ALDH1A2: variants seen among roughly 807,000 people sequenced by gnomAD.
The protein encoded by ALDH1A2 is aldehyde dehydrogenase 1 family member A2.
ALDH1A2 carries 27 observed loss-of-function variants against 60.3 expected under a neutral mutation model. The observed-to-expected ratio is 0.45, with a 90% CI of 0.33 to 0.62. The LOEUF (loss-of-function observed/expected upper bound fraction) is 0.62, where lower values mean the gene tolerates loss of function less well. Among genes scored for constraint, ALDH1A2 ranks in the 20% least tolerant of loss-of-function variants. The probability of loss-of-function intolerance (pLI) is 0.02; values close to 1 mark genes in which losing one functional copy is unlikely to be tolerated. For missense variants in ALDH1A2, 581 were observed against 643.8 expected (o/e 0.90, Z 1.06); for synonymous variants, 289 against 232.4 (o/e 1.24, Z -2.21).
intron 4 of ALDH1A2, among the ~76,000 whole-genome samples, chr15:57,996,555 T>C (rs1895072066): frequency 6.6e-6 from 1 of 151,466 alleles, no homozygotes; most frequent in Non-Finnish European, 1.5e-5. Context: ...GGCTGCAGGT[T>C]ATTCCATGGG....
At chr15:57,970,854 C>T (rs1034568615) in intron 7 of ALDH1A2, among the ~76,000 whole-genome samples, 1 of 152,146 alleles carries the variant, frequency 6.6e-6, no homozygotes, top group African/African-American at 2.4e-5. Flanking sequence ...CTTCTCCTTT[C>T]TTAATTTTCA....
At chr15:57,998,239 T>C (rs1327110178) in intron 4 of ALDH1A2, among the ~76,000 whole-genome samples, 1 of 152,026 alleles carries the variant, frequency 6.6e-6, no homozygotes, top group Non-Finnish European at 1.5e-5. Context: ...GGCATTCAAA[T>C]AGGAAGAGAG....
At chr15:57,984,549 C>A (rs12903474) in intron 7 of ALDH1A2, among the ~76,000 whole-genome samples, 53,764 of 152,078 alleles carry the variant, frequency 0.35, 10,421 homozygotes, top group Non-Finnish European at 0.45. Flanking sequence ...CAGTCCTTTG[C>A]AACCACTAAT....
chr15:57,999,021 C>A (rs576143576), intron 4 of ALDH1A2, among the ~76,000 whole-genome samples: 2 of 152,146 alleles, frequency 1.3e-5, no homozygotes, highest in East Asian at 3.9e-4. Flanking sequence ...AAACTGGACC[C>A]CTTCTTTACA....
chr15:57,963,869 G>T lies in ALDH1A2; in HGVS notation c.1086+16C>A. The T allele has an allele frequency of 3.1e-6, 5 of 1,613,948 alleles. No individual in the cohort carries two copies. Among genetic ancestry groups the T allele is most frequent in the Non-Finnish European group, 4.2e-6 (5 of 1,179,858 alleles). The stretch of plus-strand genomic sequence containing the variant: ...AAGGATTAAGTAAACAAAGGGAATG[G>T]TTATGATTTTTCTACCTGGGGACCC... On this transcript the variant is annotated intron_variant, in intron 9 of 12. Transcript: ENST00000249750.
Position 57,960,757 on chromosome 15 carries a change from C to CT in ALDH1A2, c.1484+12dup, listed in dbSNP as rs766067276. On this transcript the variant is annotated intron_variant, in intron 12 of 12. Coordinates refer to ENST00000249750, the MANE Select transcript of ALDH1A2 (RefSeq NM_003888.4). ...TCTATTTCTCTGCAGGCATCAGCAA[C>CT]TTTAAGACTTACATTTCTCTCCCAT... is the stretch of plus-strand genomic sequence containing the variant. 1.2e-5 allele frequency: 19 copies of CT among 1,612,006 alleles called. No homozygotes were observed. Among genetic ancestry groups the CT allele is most frequent in the Non-Finnish European group, 1.5e-5 (18 of 1,178,266 alleles).
chr15:58,025,517 T>C (rs986104908), intron 1 of ALDH1A2, among the ~76,000 whole-genome samples: 2 of 152,074 alleles, frequency 1.3e-5, no homozygotes, highest in African/African-American at 4.8e-5. Flanking sequence ...GAATCAGTAA[T>C]AACAAGGTTC....
Position 58,065,395 on chromosome 15 carries a change from C to T in ALDH1A2, c.117+139G>A, listed in dbSNP as rs924152785. ...CAGTCCCGAAGACAGGCAGGGGGTC[C>T]CTCTGCTGCGCCGGGATGACAGGCT... On this transcript the variant is annotated intron_variant, in intron 1 of 12. Coordinates refer to ENST00000249750, the MANE Select transcript of ALDH1A2 (RefSeq NM_003888.4). 32 of 811,708 alleles carry T rather than the reference C, an allele frequency of 3.9e-5. No homozygotes were observed. In the Admixed American group the frequency reaches 4.6e-4, roughly 12 times the overall value. 50.3% of individuals were successfully genotyped at this position (811,708 alleles called of 1,614,324 possible).
At chr15:58,052,772 C>T (rs931650826) in intron 1 of ALDH1A2, among the ~76,000 whole-genome samples, 4 of 152,088 alleles carry the variant, frequency 2.6e-5, no homozygotes, top group Admixed American at 6.6e-5. Context: ...AATGCCCTGT[C>T]CAGTGCCTTG....
intron 1 of ALDH1A2, among the ~76,000 whole-genome samples, chr15:58,057,428 C>G (rs1048734378): frequency 6.6e-6 from 1 of 151,922 alleles, no homozygotes; most frequent in Non-Finnish European, 1.5e-5. Flanking sequence ...AGATAAATGC[C>G]TCTGGCAAAG....
At chr15:57,962,213 C>T (rs1174754523) in intron 9 of ALDH1A2, 37 bp from the exon 10 acceptor site, 7 of 1,607,014 alleles carry the variant, frequency 4.4e-6, no homozygotes, top group Non-Finnish European at 6.0e-6. Context: ...CAAATATAAC[C>T]TTCTATGAAA....
intron 7 of ALDH1A2, among the ~76,000 whole-genome samples, chr15:57,977,913 ATCTCT>A (rs1195257738): frequency 4.6e-5 from 7 of 152,096 alleles, no homozygotes; most frequent in Admixed American, 3.9e-4. Context: ...GGTCCTTCCA[ATCTCT>A]TCTAAGTTTT....
intron 1 of ALDH1A2, among the ~76,000 whole-genome samples, chr15:58,028,206 C>T (rs920156556): frequency 4.6e-5 from 7 of 152,188 alleles, no homozygotes; most frequent in Admixed American, 4.6e-4. Context: ...GATCCCTTGG[C>T]AGAAGCTCTA....
intron 1 of ALDH1A2, chr15:58,058,071 C>T (rs1896940156): frequency 1.3e-6 from 2 of 1,534,014 alleles, no homozygotes; most frequent in Non-Finnish European, 8.7e-7. Flanking sequence ...TTCATCTTCT[C>T]CCAAAAAGGA....
chr15:58,015,906 A>G (rs1160759614), intron 1 of ALDH1A2, among the ~76,000 whole-genome samples: 1 of 152,164 alleles, frequency 6.6e-6, no homozygotes, highest in African/African-American at 2.4e-5. Flanking sequence ...TATTTAATAA[A>G]TTTGCTCACA....
intron 1 of ALDH1A2, among the ~76,000 whole-genome samples, chr15:58,033,567 T>C (rs1277652345): frequency 6.6e-6 from 1 of 151,866 alleles, no homozygotes; most frequent in Non-Finnish European, 1.5e-5. Context: ...ATCTAATCAC[T>C]CTTCTCCAGA....
chr15:57,954,393 C>T lies in ALDH1A2; in HGVS notation c.*804G>A, dbSNP rs1893447144. 6.5e-6 allele frequency: 1 copy of T among 152,752 alleles called. No homozygotes were observed. The highest frequency in any genetic ancestry group is 2.4e-5 in the African/African-American group (1 of 41,452). The allele number at this position is 152,752 out of a possible 1,614,324, so 9.5% of individuals were successfully genotyped here. ...AAACTTTGGAAAAGATCTTATCTAG[C>T]TATGAAAAACAACCCACTCCTTGCC... On this transcript the variant is annotated 3_prime_UTR_variant, in exon 13 of 13. Transcript: ENST00000249750.
intron 1 of ALDH1A2, chr15:58,058,240 G>A (rs925091431): frequency 3.3e-5 from 19 of 573,366 alleles, no homozygotes; most frequent in Admixed American, 7.4e-5. Context: ...ATCTCAGTCT[G>A]GAAATCTGGT....
chr15:58,011,488 C>T (rs1167096484), intron 3 of ALDH1A2, among the ~76,000 whole-genome samples: 2 of 152,108 alleles, frequency 1.3e-5, no homozygotes, highest in East Asian at 1.9e-4. Flanking sequence ...ACAATGAACA[C>T]GCTGAAATGA....
Sources: gnomAD v4.1 joint callset for allele counts (sites outside exome capture counted in the v4.1 genomes callset) on GRCh38, gnomAD v4.1.1 for gene constraint, MANE v1.5 for transcripts, NCBI Gene and HGNC (gene_info 2026-07-23, HGNC 2026-07-21) for gene names.